C1GALT1: variants seen among roughly 807,000 people sequenced by gnomAD.
C1GALT1 encodes glycoprotein-N-acetylgalactosamine 3-beta-galactosyltransferase 1.
C1GALT1 carries 11 observed loss-of-function variants against 31.0 expected under a neutral mutation model. The observed-to-expected ratio is 0.36, with a 90% confidence interval of 0.22 to 0.59. The LOEUF is 0.59. Among genes scored for constraint, C1GALT1 ranks in the 20% least tolerant of loss-of-function variants. The probability of loss-of-function intolerance (pLI) is 0.79; values close to 1 mark genes in which losing one functional copy is unlikely to be tolerated. For synonymous variants in C1GALT1, 175 were observed against 143.6 expected (o/e 1.22, Z -1.56); for missense variants, 424 against 425.2 (o/e 1.00, Z 0.03).
chr7:7,181,513 CTT>C (rs1780587565), upstream of C1GALT1, among the ~76,000 whole-genome samples: 3 of 152,148 alleles, frequency 2.0e-5, no homozygotes, highest in Non-Finnish European at 4.4e-5. Context: ...TTTCACAATT[CTT>C]TTGGATATAT....
chr7:7,161,838 T>C (rs989094563), intron 2 of C1GALT1, among the ~76,000 whole-genome samples: 9 of 152,098 alleles, frequency 5.9e-5, no homozygotes, highest in African/African-American at 1.9e-4. Flanking sequence ...CCTTAAAATA[T>C]GTGTGCAAGT....
intron 1 of C1GALT1, among the ~76,000 whole-genome samples, chr7:7,189,003 C>A (rs917927958): frequency 6.6e-6 from 1 of 152,074 alleles, no homozygotes; most frequent in African/African-American, 2.4e-5. Context: ...CTATGATTTT[C>A]TTTCATTTGT....
intron 1 of C1GALT1, among the ~76,000 whole-genome samples, chr7:7,223,350 A>G (rs556246770): frequency 1.3e-5 from 2 of 152,176 alleles, no homozygotes; most frequent in South Asian, 4.2e-4. Flanking sequence ...TTTAGTAGAG[A>G]TGGGGTTTCT....
Position 7,238,800 on chromosome 7 carries a change from G to C in C1GALT1, c.766G>C (p.Asp256His). 2 of 1,613,762 alleles carry C rather than the reference G, an allele frequency of 1.2e-6. No homozygotes were observed. The highest frequency in any genetic ancestry group is 2.7e-5 in the African/African-American group (2 of 75,048). Reference sequence around the variant, plus strand: ...GGAAATTATGAATGTAGAAGCAGGAGATTCCAGAGATACCATTGGAAAAGA... The same window carrying C: ...GGAAATTATGAATGTAGAAGCAGGACATTCCAGAGATACCATTGGAAAAGA... ...CMEIMNVEAG[D>H]SRDTIGKETF... Residue 256 changes from aspartate (D) to histidine (H), a missense_variant, in exon 3 of 4, where the codon GAT becomes CAT. By Grantham distance (81) the Asp-to-His change is moderately conservative (BLOSUM62 -1). Around this residue, in one of 3 missense-constraint regions of C1GALT1, gnomAD observed 191 missense variants for 188.8 expected, o/e 1.01. Coordinates refer to ENST00000436587, the MANE Select transcript of C1GALT1 (RefSeq NM_020156.5). This position sits in a 1 kb window ranked among gnomAD's most constrained non-coding sequence, Gnocchi z 5.2.
At chr7:7,201,462 TGAG>T (rs1302131771) in intron 1 of C1GALT1, among the ~76,000 whole-genome samples, 6 of 152,148 alleles carry the variant, frequency 3.9e-5, no homozygotes, top group Admixed American at 1.3e-4. Flanking sequence ...GGGCCCCACT[TGAG>T]GAGGCAGTCT....
intron 2 of C1GALT1, among the ~76,000 whole-genome samples, chr7:7,173,029 C>T (rs770562321): frequency 1.2e-4 from 18 of 152,180 alleles, no homozygotes; most frequent in Non-Finnish European, 2.6e-4. Context: ...TAGCTTCTTT[C>T]ACTTAGCAAT....
chr7:7,219,522 T>C (rs1328587184), intron 1 of C1GALT1, among the ~76,000 whole-genome samples: 1 of 152,194 alleles, frequency 6.6e-6, no homozygotes, highest in Non-Finnish European at 1.5e-5. Context: ...AAATAAAGCC[T>C]TAAAAATTTT....
rs181892782 is a variant in C1GALT1, at chr7:7,214,137, T to C, written c.-17-20166T>C. ...AAAGCTTTTCATAATGTGAAGTAAT[T>C]TGATACCCCCCAAACTTAAAACACA... On this transcript the variant is annotated intron_variant, in intron 1 of 3. Coordinates refer to ENST00000436587, the MANE Select transcript of C1GALT1 (RefSeq NM_020156.5). Among the ~76,000 whole-genome samples, 26 of 152,332 alleles carry C rather than the reference T, an allele frequency of 1.7e-4. 1 individual carries two copies. Among genetic ancestry groups the C allele is most frequent in the Admixed American group, 1.7e-3 (26 of 15,306 alleles).
At chr7:7,206,591 G>A (rs577336600) in intron 1 of C1GALT1, among the ~76,000 whole-genome samples, 7 of 151,468 alleles carry the variant, frequency 4.6e-5, no homozygotes, top group East Asian at 1.9e-4. Flanking sequence ...CAGGAGAATC[G>A]CTTGAAACCA....
At position 7,205,753 on chromosome 7, in the gene C1GALT1, TG is replaced by T. The variant is rs1407786410; in HGVS notation, c.-18+22935del. Among the ~76,000 whole-genome samples the T allele has an allele frequency of 2.6e-5, 4 of 152,342 alleles. No individual in the cohort carries two copies. The South Asian group carries it at 8.3e-4, about 32-fold the overall frequency. On this transcript the variant is annotated intron_variant, in intron 1 of 3. Coordinates refer to ENST00000436587, the MANE Select transcript of C1GALT1 (RefSeq NM_020156.5). ...TCTGTTCTCTTTGTTCTTGTATGAATGGAATATCTTTTTTTCATGCCTTCAC... is the reference window on the plus strand; with the variant it reads ...TCTGTTCTCTTTGTTCTTGTATGAATGAATATCTTTTTTTCATGCCTTCAC...
intron 2 of C1GALT1, among the ~76,000 whole-genome samples, chr7:7,174,450 A>C (rs1056133999): frequency 6.6e-6 from 1 of 152,154 alleles, no homozygotes; most frequent in Non-Finnish European, 1.5e-5. Flanking sequence ...GCCTTTCAAC[A>C]TGCCTACACT....
chr7:7,217,328 GC>G (rs1230809840), intron 1 of C1GALT1, among the ~76,000 whole-genome samples: 4 of 151,978 alleles, frequency 2.6e-5, no homozygotes, highest in Non-Finnish European at 4.4e-5. Flanking sequence ...GGGTGGGGGG[GC>G]TCCAAAGCTG....
At chr7:7,228,389 T>G (rs1245131107) in intron 1 of C1GALT1, among the ~76,000 whole-genome samples, 1 of 152,238 alleles carries the variant, frequency 6.6e-6, no homozygotes, top group Admixed American at 6.5e-5. Context: ...CGATTCTGAT[T>G]ACACATCAGG....
At chr7:7,209,969 G>C (rs957909741) in intron 1 of C1GALT1, among the ~76,000 whole-genome samples, 7 of 152,134 alleles carry the variant, frequency 4.6e-5, no homozygotes, top group East Asian at 1.9e-4. Context: ...GGTGCTCAGT[G>C]GGGGAGCTTT....
intron 1 of C1GALT1, among the ~76,000 whole-genome samples, chr7:7,224,664 T>C (rs1238707710): frequency 6.6e-6 from 1 of 152,180 alleles, no homozygotes; most frequent in Non-Finnish European, 1.5e-5. Context: ...CTTTGGTATC[T>C]GCAGGGTCAA....
chr7:7,188,679 T>A (rs904125608), intron 1 of C1GALT1, among the ~76,000 whole-genome samples: 9 of 152,142 alleles, frequency 5.9e-5, no homozygotes, highest in African/African-American at 2.2e-4. Flanking sequence ...ATATATATCT[T>A]AACAGATTTT....
intron 2 of C1GALT1, among the ~76,000 whole-genome samples, chr7:7,163,632 A>G (rs1381511877): frequency 6.6e-6 from 1 of 152,170 alleles, no homozygotes. Flanking sequence ...AGGATACAAA[A>G]TCCATGTACA....
intron 2 of C1GALT1, among the ~76,000 whole-genome samples, chr7:7,167,707 G>A (rs947556847): frequency 1.3e-5 from 2 of 151,932 alleles, no homozygotes; most frequent in African/African-American, 4.8e-5. Flanking sequence ...TGGACCCCCT[G>A]ATACTACAGC....
intron 1 of C1GALT1, among the ~76,000 whole-genome samples, chr7:7,191,737 G>A (rs1390034253): frequency 3.9e-5 from 6 of 152,054 alleles, no homozygotes; most frequent in Non-Finnish European, 7.4e-5. Context: ...GAGATGTTGA[G>A]TATCTTTTCA....
Sources: gnomAD v4.1 joint callset for allele counts (sites outside exome capture counted in the v4.1 genomes callset) on GRCh38, gnomAD v4.1.1 for gene constraint, gnomAD v4.1.1 regional missense constraint, Gnocchi (gnomAD v3.1) non-coding constraint, MANE v1.5 for transcripts, NCBI Gene and HGNC (gene_info 2026-07-23, HGNC 2026-07-21) for gene names.